Variants in KCNN2 observed in about 807,000 individuals in gnomAD.
The protein encoded by KCNN2 is small conductance calcium-activated potassium channel protein 2.
A neutral mutation model predicts 55.5 loss-of-function variants in KCNN2; 24 were observed. The ratio of observed to expected loss-of-function variants is 0.43; its 90% CI spans 0.31 to 0.61. The LOEUF (loss-of-function observed/expected upper bound fraction) is 0.61, where lower values mean the gene tolerates loss of function less well. KCNN2 is among the 20% of genes least tolerant of loss of function. The pLI, the probability that KCNN2 is intolerant of heterozygous loss-of-function variation, is 0.08. For synonymous variants in KCNN2, 431 were observed against 336.1 expected (o/e 1.28, Z -3.09); for missense variants, 754 against 853.6 (o/e 0.88, Z 1.45).
At chr5:114,480,231 C>A (rs898588349) in intron 5 of KCNN2, among the ~76,000 whole-genome samples, 1 of 152,088 alleles carries the variant, frequency 6.6e-6, no homozygotes. Context: ...CTATTAAACA[C>A]CTCTATGCAT....
At chr5:114,389,873 T>C (rs1011250733) in intron 2 of KCNN2, among the ~76,000 whole-genome samples, 1 of 152,140 alleles carries the variant, frequency 6.6e-6, no homozygotes, top group African/African-American at 2.4e-5. Context: ...ATTTTTTTGC[T>C]TTATAAATAT....
intron 2 of KCNN2, among the ~76,000 whole-genome samples, chr5:114,222,816 A>C (rs2112594427): frequency 6.6e-6 from 1 of 152,344 alleles, no homozygotes; most frequent in African/African-American, 2.4e-5. Context: ...CTGTTTAAAA[A>C]GTCCAGGTTC....
chr5:114,467,573 A>G (rs1359804870), intron 4 of KCNN2, among the ~76,000 whole-genome samples: 1 of 152,126 alleles, frequency 6.6e-6, no homozygotes, highest in Non-Finnish European at 1.5e-5. Flanking sequence ...TACATACAAT[A>G]GTTTCTATTT....
At chr5:114,427,856 A>G (rs1340946329) in intron 3 of KCNN2, among the ~76,000 whole-genome samples, 4 of 152,210 alleles carry the variant, frequency 2.6e-5, no homozygotes, top group African/African-American at 9.7e-5. Flanking sequence ...GCACTGCATT[A>G]TAACAGAGTC....
intron 3 of KCNN2, among the ~76,000 whole-genome samples, chr5:114,440,933 A>G (rs1232374136): frequency 6.6e-6 from 1 of 152,146 alleles, no homozygotes; most frequent in Admixed American, 6.5e-5. Context: ...TTCTAACTAT[A>G]TAAAGCTTAC....
intron 2 of KCNN2, among the ~76,000 whole-genome samples, chr5:114,237,113 T>C (rs898954895): frequency 6.6e-6 from 1 of 152,108 alleles, no homozygotes; most frequent in Non-Finnish European, 1.5e-5. Context: ...GAATGGAATA[T>C]CTGGATCACA....
intron 2 of KCNN2, among the ~76,000 whole-genome samples, chr5:114,251,109 C>T (rs1754849142): frequency 6.6e-6 from 1 of 152,208 alleles, no homozygotes; most frequent in South Asian, 2.1e-4. Flanking sequence ...TGGTAACAGT[C>T]AGGTGGAGCT....
chr5:114,408,907 A>T (rs1005466166), intron 3 of KCNN2, among the ~76,000 whole-genome samples: 1 of 152,204 alleles, frequency 6.6e-6, no homozygotes, highest in African/African-American at 2.4e-5. Flanking sequence ...TGAGGTGATG[A>T]CCATTGCTGT....
chr5:114,156,233 T>A (rs1157898829), intron 1 of KCNN2, among the ~76,000 whole-genome samples: 1 of 152,172 alleles, frequency 6.6e-6, no homozygotes, highest in Non-Finnish European at 1.5e-5. Flanking sequence ...TCTGTTCCAT[T>A]AATCTATGTG....
intron 1 of KCNN2, among the ~76,000 whole-genome samples, chr5:114,170,090 A>G (rs892548910): frequency 6.6e-6 from 1 of 152,094 alleles, no homozygotes; most frequent in African/African-American, 2.4e-5. Flanking sequence ...ATTGTCATTC[A>G]ATAATTATCA....
chr5:114,246,403 C>T (rs747551716), intron 2 of KCNN2, among the ~76,000 whole-genome samples: 15 of 152,000 alleles, frequency 9.9e-5, no homozygotes, highest in Non-Finnish European at 1.8e-4. Flanking sequence ...ATAAACAATG[C>T]GTAGGTCATT....
chr5:114,226,104 G>A (rs1347844025), intron 2 of KCNN2, among the ~76,000 whole-genome samples: 1 of 110,098 alleles, frequency 9.1e-6, no homozygotes, highest in Non-Finnish European at 1.9e-5. Context: ...GTCGAAAGAA[G>A]AGAAAGCATT....
intron 2 of KCNN2, among the ~76,000 whole-genome samples, chr5:114,394,955 T>A (rs1758572330): frequency 6.6e-6 from 1 of 152,244 alleles, no homozygotes; most frequent in Non-Finnish European, 1.5e-5. Flanking sequence ...CTATTCTACT[T>A]ACTTTCCTAA....
chr5:114,459,775 A>C (rs897469969), intron 3 of KCNN2, among the ~76,000 whole-genome samples: 1 of 152,228 alleles, frequency 6.6e-6, no homozygotes, highest in Non-Finnish European at 1.5e-5. Context: ...ACTCCTAGAA[A>C]GATGCATGTT....
At chr5:114,371,305 C>CT (rs1757754699) in intron 2 of KCNN2, among the ~76,000 whole-genome samples, 4 of 152,060 alleles carry the variant, frequency 2.6e-5, no homozygotes, top group Admixed American at 2.6e-4. Context: ...AGCACAGAGA[C>CT]TATTTAAACC....
At chr5:114,275,240 A>G (rs983248171) in intron 2 of KCNN2, among the ~76,000 whole-genome samples, 1 of 152,094 alleles carries the variant, frequency 6.6e-6, no homozygotes, top group African/African-American at 2.4e-5. Context: ...GTTTGCCCGT[A>G]TTTTATTGAG....
At chr5:114,271,612 G>A (rs901737828) in intron 2 of KCNN2, among the ~76,000 whole-genome samples, 12 of 152,216 alleles carry the variant, frequency 7.9e-5, no homozygotes, top group Admixed American at 2.0e-4. Flanking sequence ...TAAGTTTTCA[G>A]TCATCTGTCA....
chr5:114,259,242 C>G (rs950189860), intron 2 of KCNN2, among the ~76,000 whole-genome samples: 1 of 152,184 alleles, frequency 6.6e-6, no homozygotes, highest in African/African-American at 2.4e-5. Flanking sequence ...CTGCACTCTC[C>G]CTTCCCTTAG....
chr5:114,492,357 G>T (rs1212886625), intron 6 of KCNN2, among the ~76,000 whole-genome samples: 1 of 152,002 alleles, frequency 6.6e-6, no homozygotes, highest in Non-Finnish European at 1.5e-5. Context: ...ACTATACTTT[G>T]TAAAATGACT....
Sources: allele counts gnomAD v4.1 joint callset (sites outside exome capture counted in the v4.1 genomes callset), GRCh38; gene constraint gnomAD v4.1.1; transcripts MANE v1.5; gene names NCBI Gene and HGNC (gene_info 2026-07-23, HGNC 2026-07-21).